Variants in TRAK1 observed in about 807,000 individuals in gnomAD.
The protein encoded by TRAK1 is trafficking kinesin-binding protein 1.
A neutral mutation model predicts 92.1 loss-of-function variants in TRAK1; 33 were observed. The ratio of observed to expected loss-of-function variants is 0.36; its 90% confidence interval spans 0.27 to 0.48. The LOEUF (loss-of-function observed/expected upper bound fraction) is 0.48. Ranked by LOEUF, TRAK1 falls within the 20% of genes least tolerant of loss-of-function variation. The pLI is 0.99. For synonymous variants in TRAK1, 521 were observed against 517.3 expected, an observed-to-expected ratio of 1.01 and a Z score of -0.10; for missense variants, 1,123 against 1,257.9, an observed-to-expected ratio of 0.89 and a Z score of 1.62.
intron 1 of TRAK1, among the ~76,000 whole-genome samples, chr3:42,018,441 A>G (rs1472499875): frequency 1.3e-5 from 2 of 152,164 alleles, no homozygotes; most frequent in African/African-American, 2.4e-5. Context: ...TCAACAGGAG[A>G]GGATAGTCTA....
intron 1 of TRAK1, among the ~76,000 whole-genome samples, chr3:42,060,703 C>T (rs1193378343): frequency 6.7e-6 from 1 of 150,114 alleles, no homozygotes; most frequent in Non-Finnish European, 1.5e-5. Context: ...TCTCTACGCA[C>T]TGCAACCTCC....
At chr3:42,066,378 C>A (rs971250072) in intron 1 of TRAK1, among the ~76,000 whole-genome samples, 7 of 152,046 alleles carry the variant, frequency 4.6e-5, no homozygotes, top group African/African-American at 1.7e-4. Flanking sequence ...TGTGTTAGAA[C>A]CCCTAAGTCC....
At position 42,013,971 on chromosome 3, in the gene TRAK1, C is replaced by T. The variant is rs1234827163; in HGVS notation, c.-665C>T. 6.6e-6 allele frequency: 1 copy of T among 150,874 alleles called. No individual in the cohort carries two copies. The highest frequency in any genetic ancestry group is 1.5e-5 in the Non-Finnish European group (1 of 67,508). 9.3% of individuals were successfully genotyped at this position (150,874 alleles called of 1,614,324 possible). Reference sequence around the variant, plus strand: ...CGCCAGAGCGGAGCCCCCGCGAGTGCCCCCGTGCCGCCCGGCCGGCTGCAG... The same window carrying T: ...CGCCAGAGCGGAGCCCCCGCGAGTGTCCCCGTGCCGCCCGGCCGGCTGCAG... On this transcript the variant is annotated 5_prime_UTR_variant, in exon 1 of 17. Coordinates refer to the TRAK1 transcript ENST00000487159. The surrounding 1 kb of genome is among the most constrained non-coding windows in gnomAD (Gnocchi z 5.1).
chr3:42,041,394 C>G (rs1702535078), intron 1 of TRAK1, among the ~76,000 whole-genome samples: 1 of 151,934 alleles, frequency 6.6e-6, no homozygotes, highest in Non-Finnish European at 1.5e-5. Flanking sequence ...GAATAATTTT[C>G]TTAATTTCAT....
chr3:42,186,085 C>T (rs865931080), intron 4 of TRAK1, among the ~76,000 whole-genome samples: 13 of 149,464 alleles, frequency 8.7e-5, no homozygotes, highest in African/African-American at 3.0e-4. Flanking sequence ...TGGATTCAAG[C>T]GATCCTCCCA....
At chr3:42,132,251 T>TG (rs901755497) in intron 2 of TRAK1, among the ~76,000 whole-genome samples, 2 of 151,916 alleles carry the variant, frequency 1.3e-5, no homozygotes, top group African/African-American at 4.8e-5. Flanking sequence ...TTTGTTTTTT[T>TG]TTTTTTGTTT....
chr3:42,093,014 A>G (rs1185603952), intron 1 of TRAK1, among the ~76,000 whole-genome samples: 1 of 152,122 alleles, frequency 6.6e-6, no homozygotes, highest in Non-Finnish European at 1.5e-5. Context: ...GGCCTTGTCA[A>G]TTTCTCTCTA....
intron 2 of TRAK1, among the ~76,000 whole-genome samples, chr3:42,156,675 C>T (rs1053134067): frequency 6.6e-6 from 1 of 152,154 alleles, no homozygotes; most frequent in African/African-American, 2.4e-5. Flanking sequence ...CACCACTTTC[C>T]CATCCATCCA....
chr3:42,210,522 T>G, intron 14 of TRAK1: 1 of 1,170,332 alleles, frequency 8.5e-7, no homozygotes, highest in Non-Finnish European at 1.1e-6. Flanking sequence ...CCTGGTGATT[T>G]CCAAGTGGAG....
chr3:42,184,561 T>G, intron 3 of TRAK1, 124 bp from the exon 4 acceptor site: 1 of 967,952 alleles, frequency 1.0e-6, no homozygotes, highest in Non-Finnish European at 1.6e-6. Context: ...ACACAGATGG[T>G]GAATTATTAA....
intron 2 of TRAK1, among the ~76,000 whole-genome samples, chr3:42,161,367 G>A (rs1159172906): frequency 6.6e-6 from 1 of 152,150 alleles, no homozygotes; most frequent in Non-Finnish European, 1.5e-5. Flanking sequence ...CCTGTCTTGG[G>A]ATAACTTTTT....
intron 11 of TRAK1, among the ~76,000 whole-genome samples, chr3:42,200,079 A>C (rs1269817812): frequency 2.0e-5 from 3 of 152,208 alleles, no homozygotes; most frequent in Non-Finnish European, 2.9e-5. Context: ...TGTAAGGAAC[A>C]TGTGGACCAG....
intron 1 of TRAK1, among the ~76,000 whole-genome samples, chr3:42,097,774 T>C (rs1262769023): frequency 1.3e-5 from 2 of 152,204 alleles, no homozygotes; most frequent in Non-Finnish European, 2.9e-5. Context: ...GAACTTTATA[T>C]CAAGGACTCA....
chr3:42,131,094 C>T (rs570217684), intron 2 of TRAK1, among the ~76,000 whole-genome samples: 7 of 152,296 alleles, frequency 4.6e-5, no homozygotes, highest in African/African-American at 1.4e-4. Flanking sequence ...ATGCAGGGCT[C>T]ATCCCAGGAG....
At chr3:42,182,892 TAG>T (rs1704213961) in intron 3 of TRAK1, among the ~76,000 whole-genome samples, 1 of 152,242 alleles carries the variant, frequency 6.6e-6, no homozygotes, top group Admixed American at 6.5e-5. Context: ...ATCATAAAGC[TAG>T]AGAGTTTTTC....
chr3:42,073,996 G>A (rs7644110), intron 1 of TRAK1, among the ~76,000 whole-genome samples: 81,875 of 151,908 alleles, frequency 0.54, 22,602 homozygotes, highest in South Asian at 0.68. Flanking sequence ...CTTTGCCCCT[G>A]TTACGACAAG....
At position 42,202,399 on chromosome 3, in the gene TRAK1, G is replaced by C; in HGVS notation, c.1428-37G>C. On this transcript the variant is annotated intron_variant, in intron 12 of 15. Transcript: ENST00000327628. This position sits in a 1 kb window ranked among gnomAD's most constrained non-coding sequence, Gnocchi z 6.1. ...CGGGCCTCTGTGGCCTTGGAGCCCTGCTGGCATTCCACCCTCACACCCCTT... is the reference window on the plus strand; with the variant it reads ...CGGGCCTCTGTGGCCTTGGAGCCCTCCTGGCATTCCACCCTCACACCCCTT... The C allele has an allele frequency of 2.1e-6, 3 of 1,456,974 alleles. No individual in the cohort carries two copies. Among genetic ancestry groups the C allele is most frequent in the Non-Finnish European group, 2.7e-6 (3 of 1,099,838 alleles). The allele number at this position is 1,456,974 out of a possible 1,614,324, so 90.3% of individuals were successfully genotyped here.
intron 1 of TRAK1, among the ~76,000 whole-genome samples, chr3:42,079,052 A>T (rs1021063492): frequency 1.3e-5 from 2 of 152,190 alleles, no homozygotes; most frequent in Non-Finnish European, 1.5e-5. Flanking sequence ...GTTCTTTCCC[A>T]GAGCCCCCAG....
upstream of TRAK1, chr3:42,091,158 T>C: frequency 6.5e-6 from 2 of 310,012 alleles, no homozygotes; most frequent in Non-Finnish European, 1.2e-5. Context: ...CAAAACCGAA[T>C]GCCCATCACA....
Sources: gnomAD v4.1 joint callset for allele counts (sites outside exome capture counted in the v4.1 genomes callset) on GRCh38, gnomAD v4.1.1 for gene constraint, Gnocchi (gnomAD v3.1) non-coding constraint, MANE v1.5 for transcripts, NCBI Gene and HGNC (gene_info 2026-07-23, HGNC 2026-07-21) for gene names.